ARHGAP15: variants seen among roughly 807,000 people sequenced by gnomAD.
ARHGAP15 encodes Rho GTPase activating protein 15, also known as rho GTPase-activating protein 15.
ARHGAP15 carries 51 observed loss-of-function variants against 63.7 expected under a neutral mutation model. That is an observed-to-expected ratio of 0.80 (90% confidence interval 0.64 to 1.01). The LOEUF is 1.01. Ranked by LOEUF, ARHGAP15 falls within the 50% of genes least tolerant of loss-of-function variation. The pLI is 0.00. For synonymous variants in ARHGAP15, 191 were observed against 193.8 expected, an observed-to-expected ratio of 0.99 and a Z score of 0.12; for missense variants, 560 against 564.6, an observed-to-expected ratio of 0.99 and a Z score of 0.08.
intron 13 of ARHGAP15, among the ~76,000 whole-genome samples, chr2:143,757,064 T>G (rs1228891472): frequency 6.6e-6 from 1 of 152,168 alleles, no homozygotes; most frequent in East Asian, 1.9e-4. Flanking sequence ...TGGATCAAAT[T>G]TTCAGTCTTT....
chr2:143,745,210 T>A (rs1172532380), intron 13 of ARHGAP15, among the ~76,000 whole-genome samples: 2 of 152,248 alleles, frequency 1.3e-5, no homozygotes, highest in African/African-American at 2.4e-5. Context: ...TGGTTACCTT[T>A]TGAAATTACT....
intron 12 of ARHGAP15, among the ~76,000 whole-genome samples, chr2:143,649,215 T>A (rs1559102276): frequency 6.6e-6 from 1 of 151,964 alleles, no homozygotes; most frequent in Non-Finnish European, 1.5e-5. Flanking sequence ...ATAACCAGCA[T>A]GTGGTTCTAT....
intron 2 of ARHGAP15, among the ~76,000 whole-genome samples, chr2:143,188,941 C>T (rs950007510): frequency 4.0e-5 from 6 of 151,572 alleles, no homozygotes; most frequent in East Asian, 3.9e-4. Context: ...TTATTTCTAA[C>T]GATTTTTTTT....
intron 12 of ARHGAP15, among the ~76,000 whole-genome samples, chr2:143,644,512 ATCT>A (rs1198734236): frequency 6.6e-6 from 1 of 152,052 alleles, no homozygotes; most frequent in Non-Finnish European, 1.5e-5. Context: ...GGCCCTTCTA[ATCT>A]TCTTCAGTTC....
chr2:143,214,535 G>A lies in ARHGAP15; in HGVS notation c.235-1849G>A, dbSNP rs1454356960. Among the ~76,000 whole-genome samples the A allele has an allele frequency of 3.3e-5, 5 of 152,114 alleles. No individual in the cohort carries two copies. The East Asian group carries it at 9.6e-4, about 29-fold the overall frequency. ...ATGTGGAAAAAGCAAATGAATAGATGTATCCAAATACAAAACAAAAAGGCA... is the reference window on the plus strand; with the variant it reads ...ATGTGGAAAAAGCAAATGAATAGATATATCCAAATACAAAACAAAAAGGCA... On this transcript the variant is annotated intron_variant, in intron 3 of 13. Coordinates refer to ENST00000295095, the MANE Select transcript of ARHGAP15 (RefSeq NM_018460.4).
chr2:143,420,103 G>A (rs115244612), intron 6 of ARHGAP15, among the ~76,000 whole-genome samples: 1 of 152,126 alleles, frequency 6.6e-6, no homozygotes, highest in Non-Finnish European at 1.5e-5. Context: ...TCAGGATACG[G>A]TTACTGAAGT....
chr2:143,476,933 G>T (rs1217859511), intron 8 of ARHGAP15, among the ~76,000 whole-genome samples: 1 of 152,164 alleles, frequency 6.6e-6, no homozygotes, highest in Non-Finnish European at 1.5e-5. Context: ...AGAAGCACTT[G>T]AAAGAAATTG....
intron 2 of ARHGAP15, among the ~76,000 whole-genome samples, chr2:143,183,029 A>G (rs1691300269): frequency 6.6e-6 from 1 of 152,178 alleles, no homozygotes; most frequent in Admixed American, 6.5e-5. Context: ...GGTAAAGGAG[A>G]GAGGGAAGGG....
rs201301682 is a variant in ARHGAP15 at position 143,330,139 on chromosome 2, C to T, written c.474+79539C>T. Among the ~76,000 whole-genome samples the T allele has an allele frequency of 4.9e-4, 27 of 55,518 alleles. 3 individuals are homozygous for T. The highest frequency in any genetic ancestry group is 2.2e-3 in the South Asian group (3 of 1,354). The allele number at this position is 55,518 out of a possible 152,430, so 36.4% of individuals were successfully genotyped here. ...AAAAAAAAAAAAAAAAAACCAAAAA[C>T]AAAAAACTAAACTAATGATTAATAA... On this transcript the variant is annotated intron_variant, in intron 6 of 13. Transcript: ENST00000295095.
intron 12 of ARHGAP15, among the ~76,000 whole-genome samples, chr2:143,635,524 A>C (rs191400690): frequency 5.1e-4 from 77 of 152,138 alleles, no homozygotes; most frequent in African/African-American, 1.8e-3. Context: ...TATCATAAGC[A>C]CCTTGAATTG....
chr2:143,354,879 C>T (rs1203548280), intron 6 of ARHGAP15, among the ~76,000 whole-genome samples: 1 of 152,144 alleles, frequency 6.6e-6, no homozygotes, highest in Non-Finnish European at 1.5e-5. Context: ...TTCAAGTCAA[C>T]TCATTTGTTT....
rs1682449978 is a variant in ARHGAP15, at chr2:143,670,256, A to G, written c.1139-33163A>G. Among the ~76,000 whole-genome samples the G allele has an allele frequency of 2.0e-5, 3 of 152,120 alleles. No individual in the cohort carries two copies. The South Asian group carries it at 6.2e-4, about 32-fold the overall frequency. On this transcript the variant is annotated intron_variant, in intron 12 of 13. Transcript: ENST00000295095. Reference sequence around the variant, plus strand: ...TTCTACTTTTATTCCCCTCATAATGAGAAGACCTCACCTGTTTCTCTGTAT... The same window carrying G: ...TTCTACTTTTATTCCCCTCATAATGGGAAGACCTCACCTGTTTCTCTGTAT...
chr2:143,698,341 C>T (rs368255563), intron 12 of ARHGAP15, among the ~76,000 whole-genome samples: 30 of 152,244 alleles, frequency 2.0e-4, no homozygotes, highest in African/African-American at 6.3e-4. Context: ...GGGTTGTAAA[C>T]GTGCTTTAGT....
chr2:143,200,895 A>G (rs988138926), intron 2 of ARHGAP15, among the ~76,000 whole-genome samples: 1 of 152,106 alleles, frequency 6.6e-6, no homozygotes, highest in Non-Finnish European at 1.5e-5. Context: ...AAAAATTTCA[A>G]TATGAAATAT....
intron 8 of ARHGAP15, among the ~76,000 whole-genome samples, chr2:143,442,741 G>A (rs949598897): frequency 6.6e-6 from 1 of 152,080 alleles, no homozygotes; most frequent in Admixed American, 6.6e-5. Context: ...AAGTGATCAT[G>A]ATCCTATTGT....
chr2:143,268,464 A>G (rs1681107175), intron 6 of ARHGAP15, among the ~76,000 whole-genome samples: 2 of 152,178 alleles, frequency 1.3e-5, no homozygotes, highest in African/African-American at 4.8e-5. Flanking sequence ...AGAATGGGAA[A>G]TAGTTCTATA....
At chr2:143,578,007 G>A (rs548313331) in intron 11 of ARHGAP15, among the ~76,000 whole-genome samples, 1 of 152,288 alleles carries the variant, frequency 6.6e-6, no homozygotes, top group African/African-American at 2.4e-5. Context: ...GTCTTTGAAC[G>A]TGCTTAAAAC....
intron 5 of ARHGAP15, among the ~76,000 whole-genome samples, chr2:143,240,917 A>C (rs1264902375): frequency 2.0e-5 from 3 of 152,158 alleles, no homozygotes; most frequent in African/African-American, 7.2e-5. Context: ...CATAATTTTT[A>C]ATAACCACAG....
intron 8 of ARHGAP15, among the ~76,000 whole-genome samples, chr2:143,471,509 G>A (rs2105189872): frequency 6.6e-6 from 1 of 152,050 alleles, no homozygotes; most frequent in South Asian, 2.1e-4. Flanking sequence ...GTTTAGCAAA[G>A]TAAAAACAAA....
Sources: gnomAD v4.1 joint callset for allele counts (sites outside exome capture counted in the v4.1 genomes callset) on GRCh38, gnomAD v4.1.1 for gene constraint, MANE v1.5 for transcripts, NCBI Gene and HGNC (gene_info 2026-07-23, HGNC 2026-07-21) for gene names.